Variants in TMEM132E observed in about 807,000 individuals in gnomAD.
The protein encoded by TMEM132E is transmembrane protein 132E.
Under a neutral mutation model 78.5 loss-of-function variants are expected in TMEM132E, and 49 were observed. That is an observed-to-expected ratio of 0.62 (90% confidence interval 0.50 to 0.79). The LOEUF is 0.79. TMEM132E is among the 30% of genes least tolerant of loss of function. The pLI is 0.00. For missense variants in TMEM132E, 1,403 were observed against 1,470.9 expected (o/e 0.95, Z 0.75); for synonymous variants, 715 against 670.6 (o/e 1.07, Z -1.02).
chr17:34,591,436 G>T (rs145186136), intron 1 of TMEM132E, among the ~76,000 whole-genome samples: 389 of 152,176 alleles, frequency 2.6e-3, no homozygotes, highest in Non-Finnish European at 4.4e-3. Context: ...TCCCCAAGTA[G>T]CTGGGACTAC....
Position 34,626,911 on chromosome 17 carries a change from C to A in TMEM132E, c.852C>A (p.Thr284=), listed in dbSNP as rs758470835. 3.1e-6 allele frequency: 5 copies of A among 1,613,464 alleles called. No homozygotes were observed. In the African/African-American group the frequency reaches 4.0e-5, roughly 13 times the overall value. ...TGTTCCGCCCGCCCCCCAGGAGGAC[C>A]CTGCAGGAGCACAGGCTGGACAGCA... ...ISLFRPPPRR[T]LQEHRLDSNL... The change falls in exon 2 of 9, where the codon ACC becomes ACA. Residue 284 remains threonine (T), a synonymous_variant. Transcript: ENST00000631683.
intron 1 of TMEM132E, among the ~76,000 whole-genome samples, chr17:34,623,888 G>A (rs1394336624): frequency 2.0e-5 from 3 of 152,142 alleles, no homozygotes; most frequent in Non-Finnish European, 4.4e-5. Context: ...AGCCAGAAAA[G>A]CTCTCCCCAT....
chr17:34,601,268 A>G (rs1906228657), intron 1 of TMEM132E, among the ~76,000 whole-genome samples: 1 of 152,240 alleles, frequency 6.6e-6, no homozygotes, highest in Non-Finnish European at 1.5e-5. Flanking sequence ...TGGAAAGCCC[A>G]GGAGGCAGAC....
chr17:34,613,148 TCA>T lies in TMEM132E; in HGVS notation c.68-12975_68-12974del, dbSNP rs1156397713. 2.5e-3 allele frequency among the ~76,000 whole-genome samples: 322 copies of T among 131,120 alleles called. 2 individuals are homozygous for T. Among genetic ancestry groups the T allele is most frequent in the African/African-American group, 7.9e-3 (286 of 36,248 alleles). The allele number at this position is 131,120 out of a possible 152,430, so 86.0% of individuals were successfully genotyped here. On this transcript the variant is annotated intron_variant, in intron 1 of 8. Coordinates refer to ENST00000631683, the MANE Select transcript of TMEM132E (RefSeq NM_001304438.2). ...ACCCACTGCAGGCCTATGGTGGCACTCACACTCTCTCTCTCTCTCTCTCTCTA... is the reference window on the plus strand; with the variant it reads ...ACCCACTGCAGGCCTATGGTGGCACTCACTCTCTCTCTCTCTCTCTCTCTA...
rs1555565384 is a variant in TMEM132E, at chr17:34,638,266, C to CCCCCA, written c.*35_*36insCCCAC. The CCCCCA allele has an allele frequency of 1.4e-6, 2 of 1,463,122 alleles. No homozygotes were observed. Among genetic ancestry groups the CCCCCA allele is most frequent in the South Asian group, 2.8e-5 (2 of 70,264 alleles). 90.6% of individuals were successfully genotyped at this position (1,463,122 alleles called of 1,614,324 possible). On this transcript the variant is annotated 3_prime_UTR_variant, in exon 9 of 9. Transcript: ENST00000631683. ...GCCGGAGTAGCAGGGACCCCCCCCC[C>CCCCCA]CAACGGGGTCAGCTCGGGGTAGGAC...
At chr17:34,596,642 TC>T (rs1286428228) in intron 1 of TMEM132E, among the ~76,000 whole-genome samples, 8 of 152,034 alleles carry the variant, frequency 5.3e-5, no homozygotes, top group Non-Finnish European at 1.2e-4. Flanking sequence ...TGCTTCCTTT[TC>T]CTTGGTCCCT....
intron 1 of TMEM132E, among the ~76,000 whole-genome samples, chr17:34,616,780 C>A (rs1906794529): frequency 6.6e-6 from 1 of 152,210 alleles, no homozygotes; most frequent in South Asian, 2.1e-4. Flanking sequence ...CCCTCTGTCT[C>A]TGGACTGGAC....
chr17:34,613,215 G>A (rs191351947), intron 1 of TMEM132E, among the ~76,000 whole-genome samples: 2,843 of 124,300 alleles, frequency 0.023, 109 homozygotes, highest in African/African-American at 0.062. Context: ...ACACACACGC[G>A]CGCGCGCGCG....
chr17:34,627,126 GT>G, intron 2 of TMEM132E, 69 bp downstream of exon 2: 3 of 1,441,662 alleles, frequency 2.1e-6, no homozygotes, highest in Middle Eastern at 1.8e-4. Flanking sequence ...CTCCTTGTGG[GT>G]GGGTTGGGGG....
At chr17:34,599,372 G>A (rs925361330) in intron 1 of TMEM132E, among the ~76,000 whole-genome samples, 5 of 152,208 alleles carry the variant, frequency 3.3e-5, no homozygotes, top group South Asian at 2.1e-4. Context: ...ATCATGGGGC[G>A]CATCCAGCCC....
chr17:34,581,058 TC>T lies in TMEM132E; in HGVS notation c.-16del. 1 of 1,536,648 alleles carries T rather than the reference TC, an allele frequency of 6.5e-7. No homozygotes were observed. ...GTCGACTGTTGCTCTCTCGGACCCC[TC>T]CCGCCCCCGCCTCGGCCATGGCCCC... On this transcript the variant is annotated 5_prime_UTR_variant, in exon 1 of 9. Transcript: ENST00000631683.
intron 1 of TMEM132E, among the ~76,000 whole-genome samples, chr17:34,608,910 C>G (rs555718439): frequency 7.0e-6 from 1 of 143,878 alleles, no homozygotes; most frequent in South Asian, 2.4e-4. Context: ...CATGGAGGCC[C>G]CTGTTTCCCA....
At chr17:34,602,483 G>A (rs568638677) in intron 1 of TMEM132E, among the ~76,000 whole-genome samples, 27 of 152,362 alleles carry the variant, frequency 1.8e-4, no homozygotes, top group African/African-American at 6.3e-4. Flanking sequence ...AGGGGCCAGG[G>A]TGGAGGAGGA....
Position 34,631,507 on chromosome 17 carries a change from C to A in TMEM132E, c.1483-1197C>A, listed in dbSNP as rs75238350. ...ATTCTAAATGAAATTGGTTACAAAT[C>A]TTGATGAAATATACTCAGGTCTTTA... On this transcript the variant is annotated intron_variant, in intron 5 of 8. Coordinates refer to ENST00000631683, the MANE Select transcript of TMEM132E (RefSeq NM_001304438.2). Among the ~76,000 whole-genome samples the A allele has an allele frequency of 2.7e-3, 413 of 152,334 alleles. 3 individuals carry two copies. Among genetic ancestry groups the A allele is most frequent in the African/African-American group, 9.5e-3 (396 of 41,580 alleles).
intron 1 of TMEM132E, among the ~76,000 whole-genome samples, chr17:34,617,444 A>G (rs1396168275): frequency 6.6e-6 from 1 of 152,260 alleles, no homozygotes; most frequent in African/African-American, 2.4e-5. Context: ...CACCAAGTGC[A>G]GGAGAAAAAC....
chr17:34,595,916 A>C (rs1345912378), intron 1 of TMEM132E, among the ~76,000 whole-genome samples: 1 of 152,156 alleles, frequency 6.6e-6, no homozygotes, highest in Non-Finnish European at 1.5e-5. Flanking sequence ...ATCTCCAATA[A>C]TCACATCACA....
At chr17:34,604,079 C>A (rs917053322) in intron 1 of TMEM132E, among the ~76,000 whole-genome samples, 5 of 152,194 alleles carry the variant, frequency 3.3e-5, no homozygotes, top group Non-Finnish European at 5.9e-5. Context: ...GAGTGCTGGG[C>A]ATTGTTCTAA....
At position 34,638,140 on chromosome 17, in the gene TMEM132E, G is replaced by T; in HGVS notation, c.3133G>T (p.Gly1045Cys). 1.9e-6 allele frequency: 3 copies of T among 1,609,608 alleles called. No homozygotes were observed. Among genetic ancestry groups the T allele is most frequent in the Non-Finnish European group, 2.5e-6 (3 of 1,178,706 alleles). ...EEDEEEEEDL[G>C]WGCPDVAGPT... is the part of the protein sequence containing the mutation. ...GGACGAGGAGGAGGAAGAGGACCTG[G>T]GTTGGGGCTGCCCGGATGTGGCGGG... is the stretch of plus-strand genomic sequence containing the variant. Residue 1045 changes from glycine to cysteine, a missense_variant, in exon 9 of 9, where the codon GGT becomes TGT. Physicochemically the swap from Gly to Cys is radical, Grantham distance 159. Transcript: ENST00000631683.
chr17:34,582,759 C>G (rs568418500), intron 1 of TMEM132E, among the ~76,000 whole-genome samples: 1 of 152,152 alleles, frequency 6.6e-6, no homozygotes, highest in Admixed American at 6.5e-5. Flanking sequence ...TAGCACTGGC[C>G]GGCAGGGAGT....
Sources: gnomAD v4.1 joint callset for allele counts (sites outside exome capture counted in the v4.1 genomes callset) on GRCh38, gnomAD v4.1.1 for gene constraint, MANE v1.5 for transcripts, NCBI Gene and HGNC (gene_info 2026-07-23, HGNC 2026-07-21) for gene names.